PNOC: variants seen among roughly 807,000 people sequenced by gnomAD.
PNOC encodes nociceptin.
PNOC carries 10 observed loss-of-function variants against 15.6 expected under a neutral mutation model. The ratio of observed to expected loss-of-function variants is 0.64; its 90% CI spans 0.40 to 1.09. The LOEUF (loss-of-function observed/expected upper bound fraction) is 1.09, where lower values mean the gene tolerates loss of function less well. Among genes scored for constraint, PNOC ranks in the 50% least tolerant of loss-of-function variants. The pLI is 0.01. For missense variants in PNOC, 220 were observed against 223.9 expected (o/e 0.98, Z 0.11); for synonymous variants, 98 against 88.5 (o/e 1.11, Z -0.60).
intron 3 of PNOC, among the ~76,000 whole-genome samples, chr8:28,340,709 C>G (rs1228849757): frequency 6.6e-6 from 1 of 152,244 alleles, no homozygotes; most frequent in East Asian, 1.9e-4. Context: ...GCATCTGCTT[C>G]TGGTGAGGCC....
intron 2 of PNOC, among the ~76,000 whole-genome samples, chr8:28,330,396 A>ATTTTTTTTTTTTTTTTTTTTTTTTT: frequency 3.7e-5 from 3 of 80,450 alleles, no homozygotes; most frequent in East Asian, 3.1e-4. Context: ...ATTTTATTTT[A>ATTTTTTTTTTTTTTTTTTTTTTTTT]TTTTTTTTTT....
chr8:28,330,243 T>G (rs2645719), intron 2 of PNOC, among the ~76,000 whole-genome samples: 49,517 of 151,364 alleles, frequency 0.33, 9,910 homozygotes, highest in Non-Finnish European at 0.46. Flanking sequence ...ACCGTGCCCC[T>G]CCGCATAGCC....
chr8:28,317,956 C>T (rs1801085853), intron 1 of PNOC, among the ~76,000 whole-genome samples: 1 of 152,134 alleles, frequency 6.6e-6, no homozygotes, highest in South Asian at 2.1e-4. Flanking sequence ...CGTGTGAATT[C>T]CAGAGAGCAT....
intron 2 of PNOC, among the ~76,000 whole-genome samples, chr8:28,331,643 C>A (rs1321074500): frequency 6.6e-6 from 1 of 152,196 alleles, no homozygotes; most frequent in African/African-American, 2.4e-5. Context: ...TCCTGCCCTG[C>A]CATTGTGCCT....
intron 1 of PNOC, among the ~76,000 whole-genome samples, chr8:28,322,836 AT>A (rs1433537070): frequency 6.6e-6 from 1 of 152,244 alleles, no homozygotes; most frequent in Admixed American, 6.5e-5. Flanking sequence ...TATAAACCGG[AT>A]GATCCTAGTC....
intron 3 of PNOC, chr8:28,340,141 T>C (rs1186916499): frequency 6.6e-6 from 1 of 152,250 alleles, no homozygotes; most frequent in Non-Finnish European, 1.5e-5. Context: ...AACGGTATCA[T>C]TACTGAGCAA....
intron 1 of PNOC, among the ~76,000 whole-genome samples, chr8:28,319,412 C>CTAGAAGA (rs1399074387): frequency 4.6e-5 from 7 of 152,092 alleles, no homozygotes; most frequent in Non-Finnish European, 5.9e-5. Context: ...GGAGAAGGAG[C>CTAGAAGA]ATTTCCTCCA....
chr8:28,340,111 G>T (rs555819590), intron 3 of PNOC: 1 of 152,222 alleles, frequency 6.6e-6, no homozygotes, highest in African/African-American at 2.4e-5. Flanking sequence ...TTGCCAGAGA[G>T]GGACTGATTC....
chr8:28,337,683 C>T (rs1261979610), intron 2 of PNOC, among the ~76,000 whole-genome samples: 2 of 150,190 alleles, frequency 1.3e-5, no homozygotes, highest in African/African-American at 2.4e-5. Context: ...CCCGGGTTCA[C>T]GCCATTCTCC....
At chr8:28,333,587 T>C (rs1369673830) in intron 2 of PNOC, among the ~76,000 whole-genome samples, 1 of 152,210 alleles carries the variant, frequency 6.6e-6, no homozygotes, top group East Asian at 1.9e-4. Context: ...GAGATGATTT[T>C]GTTAGCATCT....
At chr8:28,326,900 C>T (rs1200410380) in intron 1 of PNOC, among the ~76,000 whole-genome samples, 1 of 152,078 alleles carries the variant, frequency 6.6e-6, no homozygotes, top group Non-Finnish European at 1.5e-5. Flanking sequence ...GATCCTGATT[C>T]AGTGGTTCTG....
intron 2 of PNOC, among the ~76,000 whole-genome samples, chr8:28,336,318 A>G (rs1020690751): frequency 6.6e-6 from 1 of 152,248 alleles, no homozygotes; most frequent in Non-Finnish European, 1.5e-5. Context: ...AAAGCATTAA[A>G]ATTTCCACAA....
intron 1 of PNOC, among the ~76,000 whole-genome samples, chr8:28,326,976 C>CCAAG (rs1477508504): frequency 6.6e-6 from 1 of 152,178 alleles, no homozygotes; most frequent in African/African-American, 2.4e-5. Context: ...CATTGGAGTA[C>CCAAG]CAAGACCTTC....
At chr8:28,337,204 T>A (rs1237720543) in intron 2 of PNOC, among the ~76,000 whole-genome samples, 2 of 152,172 alleles carry the variant, frequency 1.3e-5, no homozygotes, top group Non-Finnish European at 2.9e-5. Context: ...AGCCCAAATG[T>A]CCACATTCCA....
At chr8:28,319,249 G>T (rs541070788) in intron 1 of PNOC, among the ~76,000 whole-genome samples, 1 of 152,242 alleles carries the variant, frequency 6.6e-6, no homozygotes, top group African/African-American at 2.4e-5. Flanking sequence ...TCATCTCCCC[G>T]TTACGGTCAG....
chr8:28,335,630 C>T (rs2722933), intron 2 of PNOC, among the ~76,000 whole-genome samples: 49,120 of 151,896 alleles, frequency 0.32, 9,906 homozygotes, highest in Non-Finnish European at 0.46. Context: ...CAGGTTGAAG[C>T]GATTCTCCTG....
At chr8:28,338,239 C>A (rs371348557) in intron 2 of PNOC, among the ~76,000 whole-genome samples, 2 of 152,046 alleles carry the variant, frequency 1.3e-5, no homozygotes, top group Non-Finnish European at 2.9e-5. Context: ...GAACCAAGAA[C>A]GTGGGAGGTG....
chr8:28,336,761 C>A (rs1801418487), intron 2 of PNOC, among the ~76,000 whole-genome samples: 1 of 151,750 alleles, frequency 6.6e-6, no homozygotes, highest in African/African-American at 2.4e-5. Context: ...TGGCAAAGAC[C>A]AGAGATGCGG....
intron 1 of PNOC, among the ~76,000 whole-genome samples, chr8:28,326,023 C>A (rs1801220111): frequency 6.6e-6 from 1 of 152,112 alleles, no homozygotes; most frequent in East Asian, 1.9e-4. Context: ...TATGTAGGCA[C>A]TGTGTTCATT....
Sources: gnomAD v4.1 joint callset for allele counts (sites outside exome capture counted in the v4.1 genomes callset) on GRCh38, gnomAD v4.1.1 for gene constraint, MANE v1.5 for transcripts, NCBI Gene and HGNC (gene_info 2026-07-23, HGNC 2026-07-21) for gene names.